Variants in SP110 observed in about 807,000 individuals in gnomAD.
SP110 encodes interferon-induced protein 41, 30kD.
A neutral mutation model predicts 92.7 loss-of-function variants in SP110; 62 were observed. The observed-to-expected ratio is 0.67, with a 90% CI of 0.55 to 0.83. The LOEUF is 0.83. SP110 is among the 40% of genes least tolerant of loss of function. The pLI, the probability that SP110 is intolerant of heterozygous loss-of-function variation, is 0.00. For synonymous variants in SP110, 273 were observed against 305.3 expected (o/e 0.89, Z 1.10); for missense variants, 793 against 863.9 (o/e 0.92, Z 1.03).
chr2:230,183,501 G>A (rs1002805012), intron 12 of SP110, 71 bp downstream of exon 12: 34 of 942,894 alleles, frequency 3.6e-5, no homozygotes, highest in African/African-American at 9.7e-5. Flanking sequence ...AGGAGAGGGC[G>A]GGTGGAGCTT....
At chr2:230,204,961 T>G (rs2043603633) in intron 8 of SP110, among the ~76,000 whole-genome samples, 1 of 152,164 alleles carries the variant, frequency 6.6e-6, no homozygotes, top group South Asian at 2.1e-4. Flanking sequence ...ACTGGAGTTT[T>G]GAGTGGAAAG....
At chr2:230,185,254 G>T (rs377196211) in intron 11 of SP110, among the ~76,000 whole-genome samples, 17 of 152,250 alleles carry the variant, frequency 1.1e-4, no homozygotes, top group Admixed American at 3.9e-4. Flanking sequence ...CTCTAACTTG[G>T]GTCCACATTT....
Position 230,178,247 on chromosome 2 carries a change from T to C in SP110, c.1357A>G (p.Lys453Glu). The C allele has an allele frequency of 6.2e-7, 1 of 1,608,432 alleles. No individual in the cohort carries two copies. The highest frequency in any genetic ancestry group is 8.5e-7 in the Non-Finnish European group (1 of 1,175,158). Residue 453 changes from lysine (K) to glutamate (E), a missense_variant, in exon 13 of 19, where the codon AAA becomes GAA. By Grantham distance (56) the Lys-to-Glu change is moderately conservative (BLOSUM62 1). Coordinates refer to ENST00000258381, the MANE Select transcript of SP110 (RefSeq NM_080424.4). ...QKNIHRRGKP[K>E]SDTVDFHCSK... ...CAGTGAAAATCCACAGTGTCACTTTTGGGTTTTCCTTAAAGTAGAAGAGAA... is the reference window on the plus strand; with the variant it reads ...CAGTGAAAATCCACAGTGTCACTTTCGGGTTTTCCTTAAAGTAGAAGAGAA...
At chr2:230,200,583 T>A in intron 10 of SP110, 1 of 438,198 alleles carries the variant, frequency 2.3e-6, no homozygotes, top group South Asian at 2.3e-5. Context: ...CTTAGGACAC[T>A]CATTCTCAGT....
Position 230,169,000 on chromosome 2 carries a change from T to G in SP110, c.*124A>C, listed in dbSNP as rs2078359305. 1 of 758,724 alleles carries G rather than the reference T, an allele frequency of 1.3e-6. No individual in the cohort carries two copies. The highest frequency in any genetic ancestry group is 1.7e-5 in the Admixed American group (1 of 58,252). 47.0% of individuals were successfully genotyped at this position (758,724 alleles called of 1,614,324 possible). ...TGGAGGGTGTGATAATCCTATGAAGTGTCTGGGTTTGGGTCCTGAGGGCAG... is the reference window on the plus strand; with the variant it reads ...TGGAGGGTGTGATAATCCTATGAAGGGTCTGGGTTTGGGTCCTGAGGGCAG... On this transcript the variant is annotated 3_prime_UTR_variant, in exon 19 of 19. Transcript: ENST00000258381.
At position 230,213,561 on chromosome 2, in the gene SP110, A is replaced by G. The variant is rs546336916; in HGVS notation, c.317-534T>C. The G allele has an allele frequency of 4.2e-4, 68 of 161,662 alleles. 1 individual carries two copies. The highest frequency in any genetic ancestry group is 7.8e-4 in the Non-Finnish European group (57 of 72,912). 10.0% of individuals were successfully genotyped at this position (161,662 alleles called of 1,614,324 possible). ...TCACACCCAGCTTTCTCTCCCATCC[A>G]CAATACCCCAGACCCTTGGCTTTCT... On this transcript the variant is annotated intron_variant, in intron 3 of 18. Transcript: ENST00000258381.
intron 7 of SP110, 148 bp downstream of exon 7, chr2:230,209,783 T>G (rs2044267915): frequency 1.4e-6 from 1 of 702,896 alleles, no homozygotes; most frequent in Admixed American, 2.2e-5. Context: ...TTTTGGAAGA[T>G]GCAGCAAATG....
At chr2:230,171,895 C>A in intron 16 of SP110, 128 bp from the exon 17 acceptor site, 1 of 865,154 alleles carries the variant, frequency 1.2e-6, no homozygotes, top group South Asian at 1.3e-5. Flanking sequence ...CTTCCCAAGG[C>A]GCACAGGGTG....
intron 2 of SP110, 96 bp from the exon 3 acceptor site, chr2:230,215,214 C>T (rs1042306740): frequency 2.0e-6 from 2 of 978,370 alleles, no homozygotes; most frequent in Non-Finnish European, 3.2e-6. Context: ...AGCTACCTTA[C>T]TCTTTTAAGA....
chr2:230,192,313 C>T (rs546139641), intron 10 of SP110, among the ~76,000 whole-genome samples: 9 of 151,920 alleles, frequency 5.9e-5, no homozygotes, highest in South Asian at 2.1e-4. Flanking sequence ...AGAAATAAAG[C>T]GTATTCAAAT....
rs1437265874 is a variant in SP110, at chr2:230,208,004, T to G, written c.885A>C (p.Lys295Asn). Residue 295 changes from lysine to asparagine, a missense_variant, in exon 8 of 19, where the codon AAA (lysine) becomes AAC (asparagine). Lys to Asn is a moderately conservative substitution (Grantham distance 94, BLOSUM62 0). Coordinates refer to ENST00000258381, the MANE Select transcript of SP110 (RefSeq NM_080424.4). The part of the protein sequence containing the change: ...WSTPKRRHKK[K>N]SLPGGTASSR... ...CTCTCATCTTACCTCCTGGGAGGCT[T>G]TTTTTCTTATGTCTCCTTTTTGGAG... 6.4e-7 allele frequency: 1 copy of G among 1,558,058 alleles called. No homozygotes were observed. The highest frequency in any genetic ancestry group is 8.8e-7 in the Non-Finnish European group (1 of 1,131,958).
At chr2:230,202,796 C>T in intron 8 of SP110, 68 bp from the exon 9 acceptor site, 1 of 1,465,102 alleles carries the variant, frequency 6.8e-7, no homozygotes, top group Non-Finnish European at 9.6e-7. Flanking sequence ...CAGTCCCAAT[C>T]AGTGACTTCC....
At chr2:230,214,798 TC>T in intron 3 of SP110, 151 bp downstream of exon 3, 1 of 689,416 alleles carries the variant, frequency 1.5e-6, no homozygotes, top group South Asian at 1.6e-5. Flanking sequence ...AAGGGGCTGC[TC>T]CTGCAGCTGT....
Position 230,225,591 on chromosome 2 carries a change from C to G in SP110, c.-120G>C, listed in dbSNP as rs970817288. On this transcript the variant is annotated 5_prime_UTR_variant, in exon 1 of 16. Transcript: ENST00000540870. ...TGACTTTTCCACCCTCTTTCCTTGG[C>G]AGGAACAAGTGACCCTGTCTTCCGT... 5 of 560,206 alleles carry G rather than the reference C, an allele frequency of 8.9e-6. No individual in the cohort carries two copies. In the Admixed American group the frequency reaches 1.2e-4, roughly 14 times the overall value. The allele number at this position is 560,206 out of a possible 1,614,324, so 34.7% of individuals were successfully genotyped here.
At position 230,166,297 on chromosome 2, in the gene SP110, A is replaced by G. The variant is rs5007794; in HGVS notation, c.*2827T>C. ...AACAGAATATCTTCATAGCCTGAAAACCGTAAAGAAAGCAGATAATGTGGT... is the reference window on the plus strand; with the variant it reads ...AACAGAATATCTTCATAGCCTGAAAGCCGTAAAGAAAGCAGATAATGTGGT... On this transcript the variant is annotated 3_prime_UTR_variant, in exon 19 of 19. Coordinates refer to ENST00000258381, the MANE Select transcript of SP110 (RefSeq NM_080424.4). Among the ~76,000 whole-genome samples, 2,871 of 152,300 alleles carry G rather than the reference A, an allele frequency of 0.019. 41 individuals carry two copies. The highest frequency in any genetic ancestry group is 0.031 in the Non-Finnish European group (2,127 of 68,024).
chr2:230,171,228 G>C (rs879773819), intron 17 of SP110, among the ~76,000 whole-genome samples: 1 of 152,218 alleles, frequency 6.6e-6, no homozygotes, highest in African/African-American at 2.4e-5. Context: ...GAGTAGCTGG[G>C]ATTAGAGGTG....
At chr2:230,209,449 C>T (rs2044229950) in intron 7 of SP110, among the ~76,000 whole-genome samples, 1 of 151,984 alleles carries the variant, frequency 6.6e-6, no homozygotes, top group African/African-American at 2.4e-5. Context: ...AGTGAGTGAA[C>T]ATTTTAATTG....
At position 230,214,986 on chromosome 2, in the gene SP110, G is replaced by A; in HGVS notation, c.280C>T (p.Pro94Ser). ...LFSQINLREY[P>S]NLVTIYRSFK... is the part of the protein sequence containing the mutation. The stretch of plus-strand genomic sequence containing the variant: ...CTTCTGTAAATCGTCACCAGATTGG[G>A]ATATTCACGCAGGTTAATTTGACTG... The change falls in exon 3 of 19, where the codon CCC (proline) becomes TCC (serine). Residue 94 changes from proline to serine, a missense_variant. Transcript: ENST00000258381. 6.2e-7 allele frequency: 1 copy of A among 1,613,966 alleles called. No homozygotes were observed. Among genetic ancestry groups the A allele is most frequent in the Non-Finnish European group, 8.5e-7 (1 of 1,179,854 alleles).
intron 11 of SP110, among the ~76,000 whole-genome samples, chr2:230,184,830 T>C (rs1242106523): frequency 6.6e-6 from 1 of 152,198 alleles, no homozygotes; most frequent in Non-Finnish European, 1.5e-5. Context: ...GGTAATGCTG[T>C]GGTAATTCAC....
Sources: allele counts gnomAD v4.1 joint callset (sites outside exome capture counted in the v4.1 genomes callset), GRCh38; gene constraint gnomAD v4.1.1; transcripts MANE v1.5; gene names NCBI Gene and HGNC (gene_info 2026-07-23, HGNC 2026-07-21).